The following DENND10 variants were observed in gnomAD, a reference collection of about 807,000 sequenced individuals.
DENND10 encodes the protein DENN domain containing 10.
DENND10 carries 24 observed loss-of-function variants against 43.6 expected under a neutral mutation model. The observed-to-expected ratio is 0.55, with a 90% CI of 0.40 to 0.77. The LOEUF (loss-of-function observed/expected upper bound fraction) is 0.77. Among genes scored for constraint, DENND10 ranks in the 30% least tolerant of loss-of-function variants. The probability of loss-of-function intolerance (pLI) is 0.00; values close to 1 mark genes in which losing one functional copy is unlikely to be tolerated. For missense variants in DENND10, 303 were observed against 429.9 expected (o/e 0.70, Z 2.61); for synonymous variants, 125 against 157.6 (o/e 0.79, Z 1.55).
At chr10:119,125,959 C>G (rs142472921) in intron 6 of DENND10, among the ~76,000 whole-genome samples, 7 of 152,180 alleles carry the variant, frequency 4.6e-5, no homozygotes, top group Admixed American at 6.6e-5. Flanking sequence ...TCCCCACTAC[C>G]CTTCCTAACC....
intron 1 of DENND10, among the ~76,000 whole-genome samples, chr10:119,106,353 G>GT (rs1371679602): frequency 6.6e-6 from 1 of 152,116 alleles, no homozygotes; most frequent in Non-Finnish European, 1.5e-5. Flanking sequence ...TTTTTTATTT[G>GT]TAGTCTTTAG....
chr10:119,132,619 T>A lies in DENND10; in HGVS notation c.897+10T>A, dbSNP rs1469020130. The A allele has an allele frequency of 1.2e-6, 2 of 1,606,816 alleles. No individual in the cohort carries two copies. Among genetic ancestry groups the A allele is most frequent in the South Asian group, 1.1e-5 (1 of 90,952 alleles). The stretch of plus-strand genomic sequence containing the variant: ...GAGCCACGTTATACAGGTAACTCCC[T>A]CACCTTCTGACTTACTGAAAGTCCT... On this transcript the variant is annotated intron_variant, in intron 8 of 8. Coordinates refer to ENST00000361432, the MANE Select transcript of DENND10 (RefSeq NM_207009.4). The surrounding 1 kb of genome is among the most constrained non-coding windows in gnomAD (Gnocchi z 4.2).
chr10:119,131,625 A>T (rs903302368), intron 7 of DENND10, among the ~76,000 whole-genome samples: 27 of 152,240 alleles, frequency 1.8e-4, no homozygotes, highest in African/African-American at 6.3e-4. Context: ...GGGCAGCTGA[A>T]TGCTGACTCA....
intron 3 of DENND10, among the ~76,000 whole-genome samples, chr10:119,115,764 C>CTTT (rs112553660): frequency 1.7e-5 from 2 of 119,726 alleles, no homozygotes; most frequent in South Asian, 2.6e-4. Context: ...TTCAAGTGAT[C>CTTT]TTTTTTTTTT....
Position 119,123,588 on chromosome 10 carries a change from G to A in DENND10, c.694+19G>A. The A allele has an allele frequency of 6.4e-7, 1 of 1,554,032 alleles. No homozygotes were observed. Among genetic ancestry groups the A allele is most frequent in the Non-Finnish European group, 8.8e-7 (1 of 1,132,042 alleles). ...TGCACAGGTAGACAAGAGGATCCCA[G>A]GGGAGGAACTGTTTCACTTTTTTTT... On this transcript the variant is annotated intron_variant, in intron 6 of 8. Transcript: ENST00000361432.
rs567161894 is a variant in DENND10 at position 119,128,594 on chromosome 10, C to T, written c.695-921C>T. Among the ~76,000 whole-genome samples the T allele has an allele frequency of 2.3e-5, 3 of 132,708 alleles. No individual in the cohort carries two copies. In the East Asian group the frequency reaches 6.5e-4, roughly 29 times the overall value. The allele number at this position is 132,708 out of a possible 152,430, so 87.1% of individuals were successfully genotyped here. A position where few individuals can be genotyped will look rare whatever the true frequency, so the allele number is the denominator to read the frequency against. ...CTGCACTCTGGCCTGGGTGACAGAG[C>T]GAGACTGTCTCAAAAAAAAAAAACA... On this transcript the variant is annotated intron_variant, in intron 6 of 8. Transcript: ENST00000361432.
intron 8 of DENND10, chr10:119,133,672 G>C (rs1005769352): frequency 6.6e-6 from 1 of 152,310 alleles, no homozygotes; most frequent in Non-Finnish European, 1.5e-5. Context: ...ACATGTCAGC[G>C]GAAAGATGAG....
intron 6 of DENND10, among the ~76,000 whole-genome samples, chr10:119,126,913 T>G (rs1845862898): frequency 6.6e-6 from 1 of 151,500 alleles, no homozygotes; most frequent in African/African-American, 2.4e-5. Context: ...TTTTTTTTTT[T>G]TTTGAGACAG....
Position 119,136,749 on chromosome 10 carries a change from TA to T in DENND10, c.*103del. 1.7e-6 allele frequency: 1 copy of T among 593,798 alleles called. No individual in the cohort carries two copies. The highest frequency in any genetic ancestry group is 2.9e-6 in the Non-Finnish European group (1 of 344,498). 36.8% of individuals were successfully genotyped at this position (593,798 alleles called of 1,614,324 possible). On this transcript the variant is annotated 3_prime_UTR_variant, in exon 9 of 9. Coordinates refer to ENST00000361432, the MANE Select transcript of DENND10 (RefSeq NM_207009.4). Reference sequence around the variant, plus strand: ...CCTGAAAATAACAGAGAAACTGTTATATCTTTTTAATGATTTATTTGCAAGT... The same window carrying T: ...CCTGAAAATAACAGAGAAACTGTTATTCTTTTTAATGATTTATTTGCAAGT...
At chr10:119,135,052 C>A (rs984788166) in intron 8 of DENND10, 1 of 151,362 alleles carries the variant, frequency 6.6e-6, no homozygotes, top group Non-Finnish European at 1.5e-5. Flanking sequence ...TTAATCCCAG[C>A]GACTTGGGAA....
intron 3 of DENND10, among the ~76,000 whole-genome samples, chr10:119,113,500 T>TAA (rs11447507): frequency 6.1e-5 from 9 of 148,534 alleles, no homozygotes; most frequent in Non-Finnish European, 8.9e-5. Flanking sequence ...CCTAGCCCTT[T>TAA]AAAAAAAAAA....
Position 119,108,059 on chromosome 10 carries a change from T to C in DENND10, c.147T>C (p.Leu49=). The change falls in exon 2 of 9, where the codon CTT becomes CTC. Residue 49 remains leucine, a synonymous_variant. Transcript: ENST00000361432. ...ACCTGCTGCTGAGAAAATGCTGCCT[T>C]ACAGATGAAAACAAACTTCTCCATC... is the stretch of plus-strand genomic sequence containing the variant. ...LRNLLLRKCC[L]TDENKLLHPF... The C allele has an allele frequency of 6.2e-7, 1 of 1,613,316 alleles. No homozygotes were observed. Among genetic ancestry groups the C allele is most frequent in the Admixed American group, 1.7e-5 (1 of 60,000 alleles).
intron 8 of DENND10, among the ~76,000 whole-genome samples, chr10:119,136,177 C>T (rs931163238): frequency 2.0e-5 from 3 of 151,934 alleles, no homozygotes; most frequent in African/African-American, 7.2e-5. Context: ...GACCCTGTCT[C>T]GAAAACAACA....
intron 7 of DENND10, among the ~76,000 whole-genome samples, chr10:119,130,317 C>T (rs536210352): frequency 2.0e-5 from 3 of 152,320 alleles, no homozygotes; most frequent in Admixed American, 6.5e-5. Context: ...CCCGCCACCG[C>T]ACCCAGCTAA....
intron 6 of DENND10, among the ~76,000 whole-genome samples, chr10:119,125,501 CTTTTTTTTTTTTT>C (rs34630434): frequency 4.6e-5 from 3 of 65,848 alleles, no homozygotes; most frequent in South Asian, 8.2e-4. Context: ...TTCTAGTTTT[CTTTTTTTTTTTTT>C]TTTTTTTTTT....
chr10:119,119,868 G>A (rs969818502), intron 4 of DENND10, among the ~76,000 whole-genome samples: 1 of 151,708 alleles, frequency 6.6e-6, no homozygotes, highest in Non-Finnish European at 1.5e-5. Context: ...ACACGTCCTG[G>A]GAAGCTGACA....
chr10:119,125,501 C>CTTTTTTTTTTTT (rs34630434), intron 6 of DENND10, among the ~76,000 whole-genome samples: 108 of 65,846 alleles, frequency 1.6e-3, no homozygotes, highest in Non-Finnish European at 2.4e-3. Flanking sequence ...TTCTAGTTTT[C>CTTTTTTTTTTTT]TTTTTTTTTT....
rs762467521 is a variant in DENND10 at position 119,108,215 on chromosome 10, T to A, written c.252+51T>A. ...AAACCCCAAAATAGGCTGGGCGCGGTGGCTCATGCCTGTAATCCCAGCACT... is the reference window on the plus strand; with the variant it reads ...AAACCCCAAAATAGGCTGGGCGCGGAGGCTCATGCCTGTAATCCCAGCACT... On this transcript the variant is annotated intron_variant, in intron 2 of 8. Coordinates refer to ENST00000361432, the MANE Select transcript of DENND10 (RefSeq NM_207009.4). 7.4e-6 allele frequency: 10 copies of A among 1,347,840 alleles called. No individual in the cohort carries two copies. The East Asian group carries it at 2.1e-4, about 28-fold the overall frequency. 83.5% of individuals were successfully genotyped at this position (1,347,840 alleles called of 1,614,324 possible).
At chr10:119,106,545 GTGGCCCAGGT>G (rs1844704477) in intron 1 of DENND10, among the ~76,000 whole-genome samples, 1 of 152,058 alleles carries the variant, frequency 6.6e-6, no homozygotes, top group Admixed American at 6.6e-5. Context: ...GTCTCACTAT[GTGGCCCAGGT>G]TGGTCTGGAA....
Sources: gnomAD v4.1 joint callset for allele counts (sites outside exome capture counted in the v4.1 genomes callset) on GRCh38, gnomAD v4.1.1 for gene constraint, Gnocchi (gnomAD v3.1) non-coding constraint, MANE v1.5 for transcripts, NCBI Gene and HGNC (gene_info 2026-07-23, HGNC 2026-07-21) for gene names.